Variants in RUFY1 observed in about 807,000 individuals in gnomAD.
RUFY1 encodes the protein RUN and FYVE domain containing 1.
RUFY1 carries 54 observed loss-of-function variants against 94.6 expected under a neutral mutation model. That is an observed-to-expected ratio of 0.57 (90% confidence interval 0.46 to 0.72). The LOEUF is 0.72. RUFY1 is among the 30% of genes least tolerant of loss of function. RUFY1 has a pLI of 0.00. For missense variants in RUFY1, 883 were observed against 883.9 expected, an observed-to-expected ratio of 1.00 and a Z score of 0.01; for synonymous variants, 396 against 347.3, an observed-to-expected ratio of 1.14 and a Z score of -1.56.
At chr5:179,601,495 A>G (rs1766384170) in intron 14 of RUFY1, among the ~76,000 whole-genome samples, 1 of 149,116 alleles carries the variant, frequency 6.7e-6, no homozygotes, top group Non-Finnish European at 1.5e-5. Context: ...AAACATTCTG[A>G]TCTGCTTGTT....
intron 3 of RUFY1, among the ~76,000 whole-genome samples, chr5:179,564,743 C>T (rs1407915357): frequency 6.7e-6 from 1 of 150,344 alleles, no homozygotes; most frequent in African/African-American, 2.4e-5. Context: ...TTTTATCCTA[C>T]ACATGTAACA....
chr5:179,563,300 A>G (rs1762583473), intron 3 of RUFY1, among the ~76,000 whole-genome samples: 1 of 152,156 alleles, frequency 6.6e-6, no homozygotes, highest in African/African-American at 2.4e-5. Flanking sequence ...TAATAATAAT[A>G]GCCACTGCCC....
intron 15 of RUFY1, 51 bp from the exon 16 acceptor site, chr5:179,605,825 A>AGGGGGG: frequency 8.4e-7 from 1 of 1,194,704 alleles, no homozygotes; most frequent in Non-Finnish European, 1.2e-6. Flanking sequence ...TTAGGGATTC[A>AGGGGGG]GAGCCTCACT....
intron 14 of RUFY1, among the ~76,000 whole-genome samples, chr5:179,600,324 T>C (rs1766217140): frequency 6.6e-6 from 1 of 152,156 alleles, no homozygotes; most frequent in Non-Finnish European, 1.5e-5. Context: ...GTCTCCATCC[T>C]GGCCTTAACA....
At chr5:179,561,425 G>C (rs922868196) in intron 2 of RUFY1, among the ~76,000 whole-genome samples, 1 of 151,766 alleles carries the variant, frequency 6.6e-6, no homozygotes, top group African/African-American at 2.4e-5. Context: ...TTTATTCTTA[G>C]TGTCTTTGGA....
intron 17 of RUFY1, chr5:179,608,265 C>T (rs1767321231): frequency 2.0e-6 from 2 of 987,004 alleles, no homozygotes; most frequent in African/African-American, 3.5e-5. Context: ...CAGCCATGTT[C>T]TGTCTGTTCC....
rs1295693454 is a variant in RUFY1, at chr5:179,593,571, G to A, written c.1339G>A (p.Asp447Asn). Residue 447 changes from aspartate (D) to asparagine (N), a missense_variant, in exon 11 of 18, where the codon GAC becomes AAC. Coordinates refer to ENST00000319449, the MANE Select transcript of RUFY1 (RefSeq NM_025158.5). Reference protein sequence around the residue: ...LLEKDTHEKQDTLVALRQQLE... With the variant: ...LLEKDTHEKQNTLVALRQQLE... ...GGAAAAGGACACCCACGAGAAGCAG[G>A]ACACACTAGTTGCCCTCCGCCAGCA... The A allele has an allele frequency of 6.2e-7, 1 of 1,614,184 alleles. No homozygotes were observed. Among genetic ancestry groups the A allele is most frequent in the Non-Finnish European group, 8.5e-7 (1 of 1,180,034 alleles).
intron 2 of RUFY1, among the ~76,000 whole-genome samples, chr5:179,561,849 ATTT>A (rs563144613): frequency 8.2e-5 from 12 of 146,424 alleles, no homozygotes; most frequent in African/African-American, 2.7e-4. Flanking sequence ...CTCTCGGCTA[ATTT>A]TTTTTTTATT....
chr5:179,553,738 C>G (rs1197381581), intron 1 of RUFY1, among the ~76,000 whole-genome samples: 2 of 152,034 alleles, frequency 1.3e-5, no homozygotes, highest in East Asian at 1.9e-4. Context: ...TGCAGTGAGC[C>G]GAGACCATTC....
chr5:179,580,912 A>C lies in RUFY1; in HGVS notation c.891-35A>C, dbSNP rs780820305. Reference sequence around the variant, plus strand: ...GTTACAAAGTATTAACCATTAATAAAAAAAAGTTCTTCCTTCTTATGCTCC... The same window carrying C: ...GTTACAAAGTATTAACCATTAATAACAAAAAGTTCTTCCTTCTTATGCTCC... On this transcript the variant is annotated intron_variant, in intron 6 of 17. Coordinates refer to ENST00000319449, the MANE Select transcript of RUFY1 (RefSeq NM_025158.5). The C allele has an allele frequency of 1.2e-5, 15 of 1,283,630 alleles. 1 individual carries two copies. The highest frequency in any genetic ancestry group is 1.7e-5 in the Non-Finnish European group (15 of 893,004). 79.5% of individuals were successfully genotyped at this position (1,283,630 alleles called of 1,614,324 possible).
At chr5:179,575,578 A>G (rs1028352839) in intron 5 of RUFY1, among the ~76,000 whole-genome samples, 1 of 152,086 alleles carries the variant, frequency 6.6e-6, no homozygotes, top group Admixed American at 6.5e-5. Flanking sequence ...TTTCTACTGC[A>G]TTTTACTCAT....
chr5:179,603,831 G>C (rs1280681060), intron 15 of RUFY1: 1 of 152,292 alleles, frequency 6.6e-6, no homozygotes, highest in Non-Finnish European at 1.5e-5. Context: ...GCTGAGGTGG[G>C]TGGATCACCT....
rs1765995290 is a variant in RUFY1, at chr5:179,598,941, G to C, written c.1761+120G>C. ...TGGGGGCCAGGCGGCTCCAGGGTGTGGGGAGGCTGTTAGGGAGCTCCTGTT... is the reference window on the plus strand; with the variant it reads ...TGGGGGCCAGGCGGCTCCAGGGTGTCGGGAGGCTGTTAGGGAGCTCCTGTT... On this transcript the variant is annotated intron_variant, in intron 14 of 17. Transcript: ENST00000319449. 3 of 1,115,144 alleles carry C rather than the reference G, an allele frequency of 2.7e-6. No individual in the cohort carries two copies. In the African/African-American group the frequency reaches 4.7e-5, roughly 17 times the overall value. The allele number at this position is 1,115,144 out of a possible 1,614,324, so 69.1% of individuals were successfully genotyped here.
intron 3 of RUFY1, among the ~76,000 whole-genome samples, chr5:179,564,841 CTAAA>C (rs1474317106): frequency 6.6e-6 from 1 of 151,938 alleles, no homozygotes; most frequent in African/African-American, 2.4e-5. Flanking sequence ...TTTAACCCAG[CTAAA>C]TAAATTATGG....
At chr5:179,579,648 TTTC>T (rs1437733052) in intron 6 of RUFY1, among the ~76,000 whole-genome samples, 6 of 113,058 alleles carry the variant, frequency 5.3e-5, no homozygotes, top group East Asian at 2.4e-4. Context: ...AATATACCCT[TTTC>T]TTCTTCTTTT....
rs1761766443 is a variant in RUFY1 at position 179,550,603 on chromosome 5, C to T, written c.34C>T (p.Arg12Trp). Reference protein sequence around the residue: ...ADREGGCAAGRGRELEPELEP... With the variant: ...ADREGGCAAGWGRELEPELEP... ...CCGGGAAGGCGGCTGCGCTGCTGGG[C>T]GGGGGCGGGAGCTGGAGCCGGAGCT... is the stretch of plus-strand genomic sequence containing the variant. Residue 12 changes from arginine to tryptophan, a missense_variant, in exon 1 of 18, where the codon CGG (arginine) becomes TGG (tryptophan). Arg to Trp is a moderately radical substitution (Grantham distance 101). Coordinates refer to ENST00000319449, the MANE Select transcript of RUFY1 (RefSeq NM_025158.5). The T allele has an allele frequency of 8.8e-6, 12 of 1,359,128 alleles. No homozygotes were observed. The highest frequency in any genetic ancestry group is 1.5e-5 in the South Asian group (1 of 65,822). The allele number at this position is 1,359,128 out of a possible 1,614,324, so 84.2% of individuals were successfully genotyped here.
chr5:179,601,032 C>T (rs190766273), intron 14 of RUFY1, among the ~76,000 whole-genome samples: 178 of 152,222 alleles, frequency 1.2e-3, no homozygotes, highest in Non-Finnish European at 2.1e-3. Context: ...ATGAATGTAA[C>T]TATCCTGTCC....
chr5:179,550,861 G>T lies in RUFY1; in HGVS notation c.292G>T (p.Asp98Tyr). ...GGGGCTGGGCGGCGGGGACAGCGGGGACGGCACGGCGCGCGCAGGTAGGCT... is the reference window on the plus strand; with the variant it reads ...GGGGCTGGGCGGCGGGGACAGCGGGTACGGCACGGCGCGCGCAGGTAGGCT... ...AAGLGGGDSG[D>Y]GTARAASKCQ... Residue 98 changes from aspartate to tyrosine, a missense_variant, in exon 1 of 18, where the codon GAC becomes TAC. By Grantham distance (160) the Asp-to-Tyr change is radical. Transcript: ENST00000319449. 1 of 1,186,202 alleles carries T rather than the reference G, an allele frequency of 8.4e-7. No homozygotes were observed. Among genetic ancestry groups the T allele is most frequent in the Non-Finnish European group, 1.0e-6 (1 of 961,576 alleles). The allele number at this position is 1,186,202 out of a possible 1,614,324, so 73.5% of individuals were successfully genotyped here.
intron 5 of RUFY1, chr5:179,572,474 G>T: frequency 5.3e-6 from 1 of 188,512 alleles, no homozygotes. Flanking sequence ...CTGATGTGAC[G>T]GGAAGCTTGT....
Sources: gnomAD v4.1 joint callset for allele counts (sites outside exome capture counted in the v4.1 genomes callset) on GRCh38, gnomAD v4.1.1 for gene constraint, MANE v1.5 for transcripts, NCBI Gene and HGNC (gene_info 2026-07-23, HGNC 2026-07-21) for gene names.